Variants in MTDH observed in about 807,000 individuals in gnomAD.
MTDH encodes the protein protein LYRIC.
A neutral mutation model predicts 72.7 loss-of-function variants in MTDH; 34 were observed. That is an observed-to-expected ratio of 0.47 (90% confidence interval 0.36 to 0.62). The LOEUF is 0.62. MTDH is among the 20% of genes least tolerant of loss of function. The pLI is 0.00. For synonymous variants in MTDH, 266 were observed against 268.9 expected (o/e 0.99, Z 0.10); for missense variants, 677 against 699.4 (o/e 0.97, Z 0.36).
At chr8:97,653,860 A>G (rs1811866455) in intron 1 of MTDH, among the ~76,000 whole-genome samples, 1 of 152,216 alleles carries the variant, frequency 6.6e-6, no homozygotes, top group Non-Finnish European at 1.5e-5. Context: ...ATCCGTCAGA[A>G]TGTCTTAGAC....
At chr8:97,668,549 C>T (rs1812482544) in intron 2 of MTDH, among the ~76,000 whole-genome samples, 1 of 151,334 alleles carries the variant, frequency 6.6e-6, no homozygotes, top group South Asian at 2.1e-4. Flanking sequence ...TCAGATTCCA[C>T]ACTGTAACAA....
chr8:97,677,594 T>C (rs970164213), intron 2 of MTDH, among the ~76,000 whole-genome samples: 2 of 152,168 alleles, frequency 1.3e-5, no homozygotes, highest in Admixed American at 6.6e-5. Flanking sequence ...TATGATGATT[T>C]AATCAGATGT....
intron 6 of MTDH, chr8:97,696,277 T>G: frequency 1.1e-5 from 11 of 985,362 alleles, no homozygotes; most frequent in Non-Finnish European, 1.3e-5. Flanking sequence ...CTCTCACACT[T>G]AACTCTGCTG....
At chr8:97,711,907 T>C (rs1223391337) in intron 8 of MTDH, among the ~76,000 whole-genome samples, 1 of 152,214 alleles carries the variant, frequency 6.6e-6, no homozygotes, top group Non-Finnish European at 1.5e-5. Context: ...AAAGCAAAAC[T>C]GCAAATAAGG....
chr8:97,651,427 A>C (rs903328650), intron 1 of MTDH, among the ~76,000 whole-genome samples: 13 of 152,182 alleles, frequency 8.5e-5, no homozygotes, highest in Non-Finnish European at 1.6e-4. Context: ...AATCACTAAC[A>C]AAAAGCACCC....
rs1815499909 is a variant in MTDH, at chr8:97,730,044, TAAG to T, written c.*5376_*5378del. Among the ~76,000 whole-genome samples the T allele has an allele frequency of 6.6e-6, 1 of 152,246 alleles. No homozygotes were observed. The highest frequency in any genetic ancestry group is 1.5e-5 in the Non-Finnish European group (1 of 68,038). On this transcript the variant is annotated 3_prime_UTR_variant, in exon 12 of 12. Coordinates refer to ENST00000336273, the MANE Select transcript of MTDH (RefSeq NM_178812.4). ...ATCATGACATGTATATAGTGTGTTG[TAAG>T]ACATTTGCCAGCTAATAGTTACAGT...
chr8:97,668,530 G>A (rs1323034203), intron 2 of MTDH, among the ~76,000 whole-genome samples: 3 of 151,916 alleles, frequency 2.0e-5, no homozygotes, highest in South Asian at 4.2e-4. Context: ...AAAGTTCATT[G>A]ATGCAATTTC....
At chr8:97,715,559 G>A (rs754223955) in intron 9 of MTDH, among the ~76,000 whole-genome samples, 1 of 152,186 alleles carries the variant, frequency 6.6e-6, no homozygotes, top group Non-Finnish European at 1.5e-5. Flanking sequence ...TGCTTTTTCA[G>A]TAGTCAAAAT....
At chr8:97,682,242 A>ATG (rs1813120781) in intron 2 of MTDH, among the ~76,000 whole-genome samples, 100 of 2,392 alleles carry the variant, frequency 0.042, 2 homozygotes, top group African/African-American at 0.17. Flanking sequence ...ATATATATAT[A>ATG]TATATATATA....
At chr8:97,684,673 G>A (rs956700703) in intron 2 of MTDH, among the ~76,000 whole-genome samples, 5 of 152,146 alleles carry the variant, frequency 3.3e-5, no homozygotes, top group Non-Finnish European at 5.9e-5. Context: ...ACTTAAGAGC[G>A]GCTATGGTAA....
At chr8:97,649,387 T>G (rs1390399002) in intron 1 of MTDH, among the ~76,000 whole-genome samples, 1 of 152,186 alleles carries the variant, frequency 6.6e-6, no homozygotes, top group Non-Finnish European at 1.5e-5. Context: ...AGTAGAGTCT[T>G]TTGAAGCCCA....
intron 5 of MTDH, among the ~76,000 whole-genome samples, chr8:97,689,886 T>C (rs1216402884): frequency 2.0e-5 from 3 of 151,956 alleles, no homozygotes; most frequent in Admixed American, 6.6e-5. Flanking sequence ...TTTTTTATTT[T>C]TTAGTAGAGA....
chr8:97,660,862 A>G (rs967854679), intron 1 of MTDH, among the ~76,000 whole-genome samples: 9 of 151,738 alleles, frequency 5.9e-5, no homozygotes, highest in Admixed American at 5.9e-4. Context: ...AATCTGTGGT[A>G]CAGAATTTTG....
rs1322146360 is a variant in MTDH at position 97,686,728 on chromosome 8, C to T, written c.544C>T (p.His182Tyr). The change falls in exon 3 of 12, where the codon CAT becomes TAT. Residue 182 changes from histidine (H) to tyrosine (Y), a missense_variant. His to Tyr is a moderately conservative substitution (Grantham distance 83, BLOSUM62 2). This residue lies in a region of MTDH where 467 missense variants were observed against 469.1 expected (regional missense o/e 1.00). Transcript: ENST00000336273. ...TAAAGCAGTGCAAAACAGTTCACGC[C>T]ATGATGGAAAGGAAGTTGATGAAGG... is the stretch of plus-strand genomic sequence containing the variant. ...DAKAVQNSSR[H>Y]DGKEVDEGAW... 6.3e-7 allele frequency: 1 copy of T among 1,593,548 alleles called. No individual in the cohort carries two copies.
At chr8:97,678,056 G>C (rs1044891275) in intron 2 of MTDH, among the ~76,000 whole-genome samples, 1 of 152,144 alleles carries the variant, frequency 6.6e-6, no homozygotes, top group Non-Finnish European at 1.5e-5. Flanking sequence ...ATTAGTACCA[G>C]AGCAAATTTC....
chr8:97,695,725 A>C (rs1563553100), intron 6 of MTDH, among the ~76,000 whole-genome samples: 1 of 152,178 alleles, frequency 6.6e-6, no homozygotes, highest in Non-Finnish European at 1.5e-5. Context: ...TTAGGTATGA[A>C]TCTCTATTCT....
At chr8:97,713,592 CATA>C in intron 8 of MTDH, 67 bp from the exon 9 acceptor site, 2 of 845,784 alleles carry the variant, frequency 2.4e-6, no homozygotes, top group Non-Finnish European at 3.7e-6. Flanking sequence ...GAAATTATTT[CATA>C]ATAATTTTCT....
intron 2 of MTDH, among the ~76,000 whole-genome samples, chr8:97,680,309 C>T (rs528902256): frequency 1.3e-5 from 2 of 152,196 alleles, no homozygotes; most frequent in East Asian, 1.9e-4. Flanking sequence ...TGGCCTCAAT[C>T]GGTCGGCCCA....
At chr8:97,669,553 C>A (rs1198064082) in intron 2 of MTDH, among the ~76,000 whole-genome samples, 1 of 151,328 alleles carries the variant, frequency 6.6e-6, no homozygotes, top group Admixed American at 6.7e-5. Context: ...CCCCAGTCCC[C>A]CTGCAACTAC....
Sources: allele counts gnomAD v4.1 joint callset (sites outside exome capture counted in the v4.1 genomes callset), GRCh38; gene constraint gnomAD v4.1.1; regional missense constraint gnomAD v4.1.1; transcripts MANE v1.5; gene names NCBI Gene and HGNC (gene_info 2026-07-23, HGNC 2026-07-21).